The following MRPS6 variants were observed in gnomAD, a reference collection of about 807,000 sequenced individuals.
MRPS6 encodes small ribosomal subunit protein bS6m.
A neutral mutation model predicts 13.1 loss-of-function variants in MRPS6; 6 were observed. The ratio of observed to expected loss-of-function variants is 0.46; its 90% CI spans 0.25 to 0.91. The LOEUF (loss-of-function observed/expected upper bound fraction) is 0.91. Among genes scored for constraint, MRPS6 ranks in the 40% least tolerant of loss-of-function variants. The pLI, the probability that MRPS6 is intolerant of heterozygous loss-of-function variation, is 0.18. For synonymous variants in MRPS6, 61 were observed against 56.5 expected (o/e 1.08, Z -0.36); for missense variants, 164 against 155.6 (o/e 1.05, Z -0.29).
chr21:34,080,411 A>G (rs549020004), intron 1 of MRPS6, among the ~76,000 whole-genome samples: 1 of 152,164 alleles, frequency 6.6e-6, no homozygotes, highest in Non-Finnish European at 1.5e-5. Flanking sequence ...AGTTGTGCAG[A>G]TTCTTATAAA....
chr21:34,101,153 A>T, intron 1 of MRPS6: 1 of 1,000,198 alleles, frequency 1.0e-6, no homozygotes, highest in South Asian at 4.7e-5. Context: ...AAGTGAGATA[A>T]GTACCTGGGT....
rs550922007 is a variant in MRPS6 at position 34,104,265 on chromosome 21, A to G, written c.46-21076A>G. ...ACAATGGGGTGGAGAGGATTCTTTCACTTGTCCCATTAACCCTCTTCTAGT... is the reference window on the plus strand; with the variant it reads ...ACAATGGGGTGGAGAGGATTCTTTCGCTTGTCCCATTAACCCTCTTCTAGT... On this transcript the variant is annotated intron_variant, in intron 1 of 2. Coordinates refer to ENST00000399312, the MANE Select transcript of MRPS6 (RefSeq NM_032476.4). 2.5e-5 allele frequency: 25 copies of G among 1,000,142 alleles called. No individual in the cohort carries two copies. The East Asian group carries it at 1.0e-3, about 41-fold the overall frequency. The allele number at this position is 1,000,142 out of a possible 1,614,324, so 62.0% of individuals were successfully genotyped here.
chr21:34,084,496 A>T (rs1420599815), intron 1 of MRPS6, among the ~76,000 whole-genome samples: 1 of 152,170 alleles, frequency 6.6e-6, no homozygotes, highest in African/African-American at 2.4e-5. Context: ...ATAATGCCTA[A>T]CCTTAGCAAT....
intron 2 of MRPS6, among the ~76,000 whole-genome samples, chr21:34,133,683 C>G (rs1980587051): frequency 6.6e-6 from 1 of 152,128 alleles, no homozygotes; most frequent in Admixed American, 6.5e-5. Context: ...GCATGTCATG[C>G]TCTTGCTAGA....
intron 1 of MRPS6, chr21:34,099,429 A>G (rs1602934305): frequency 5.0e-6 from 5 of 1,000,094 alleles, no homozygotes. Context: ...CTTTGGGACA[A>G]CCTTTTGGTG....
chr21:34,101,885 A>G (rs1979253207), intron 1 of MRPS6: 1 of 1,000,072 alleles, frequency 1.0e-6, no homozygotes, highest in South Asian at 4.7e-5. Context: ...GGGAGAGAGC[A>G]GTAGTGATCA....
chr21:34,098,483 A>G, intron 1 of MRPS6: 1 of 1,000,130 alleles, frequency 1.0e-6, no homozygotes, highest in African/African-American at 1.7e-5. Context: ...TCCTCAAAAG[A>G]CTTTCCATCT....
Position 34,142,975 on chromosome 21 carries a change from G to A in MRPS6, c.*375G>A, listed in dbSNP as rs193105407. On this transcript the variant is annotated 3_prime_UTR_variant, in exon 3 of 3. Coordinates refer to ENST00000399312, the MANE Select transcript of MRPS6 (RefSeq NM_032476.4). Reference sequence around the variant, plus strand: ...TAACCATGTGGAAATAAAAATTGACGACCAATGTATTATATGGACAACTTT... The same window carrying A: ...TAACCATGTGGAAATAAAAATTGACAACCAATGTATTATATGGACAACTTT... The A allele has an allele frequency of 4.7e-4, 77 of 163,352 alleles. 1 individual carries two copies. In the Middle Eastern group the frequency reaches 0.023, roughly 48 times the overall value. 10.1% of individuals were successfully genotyped at this position (163,352 alleles called of 1,614,324 possible). A position where few individuals can be genotyped will look rare whatever the true frequency, so the allele number is the denominator to read the frequency against.
At chr21:34,135,579 T>A in intron 2 of MRPS6, 1 of 436,474 alleles carries the variant, frequency 2.3e-6, no homozygotes. Flanking sequence ...CAAGAGTGCC[T>A]GTGCACAGCA....
chr21:34,114,450 C>G (rs182060676), intron 1 of MRPS6, among the ~76,000 whole-genome samples: 1 of 152,276 alleles, frequency 6.6e-6, no homozygotes, highest in East Asian at 1.9e-4. Context: ...TAGCTTCCTA[C>G]TAGAGTGCGG....
At chr21:34,134,560 T>G (rs1002337157) in intron 2 of MRPS6, among the ~76,000 whole-genome samples, 20 of 152,224 alleles carry the variant, frequency 1.3e-4, no homozygotes, top group African/African-American at 4.3e-4. Flanking sequence ...TAATAAGGTT[T>G]GACATATGTA....
chr21:34,079,220 T>A (rs1202858082), intron 1 of MRPS6, among the ~76,000 whole-genome samples: 1 of 152,220 alleles, frequency 6.6e-6, no homozygotes, highest in Non-Finnish European at 1.5e-5. Context: ...TTATGGCACT[T>A]GAATTTCATA....
chr21:34,125,452 G>A lies in MRPS6; in HGVS notation c.157G>A (p.Ala53Thr), dbSNP rs148446667. The change falls in exon 2 of 3, where the codon GCC becomes ACC. Residue 53 changes from alanine (A) to threonine (T), a missense_variant. Coordinates refer to ENST00000399312, the MANE Select transcript of MRPS6 (RefSeq NM_032476.4). ...ACGAGCGCTTCCTTATAGGATCTCTGCCCACAGTCAGCAGCACAACAGAGG... is the reference window on the plus strand; with the variant it reads ...ACGAGCGCTTCCTTATAGGATCTCTACCCACAGTCAGCAGCACAACAGAGG... ...GERALPYRIS[A>T]HSQQHNRGGY... 6.9e-5 allele frequency: 112 copies of A among 1,613,884 alleles called. No individual in the cohort carries two copies. Among genetic ancestry groups the A allele is most frequent in the Non-Finnish European group, 9.2e-5 (109 of 1,179,934 alleles).
At chr21:34,110,660 A>G (rs1239815602) in intron 1 of MRPS6, among the ~76,000 whole-genome samples, 2 of 152,222 alleles carry the variant, frequency 1.3e-5, no homozygotes, top group Non-Finnish European at 2.9e-5. Context: ...CAAACACTGC[A>G]TGAGTGAATT....
Position 34,092,671 on chromosome 21 carries a change from A to G in MRPS6, c.45+18926A>G, listed in dbSNP as rs993705633. On this transcript the variant is annotated intron_variant, in intron 1 of 2. Transcript: ENST00000399312. ...GTTACTGATAGTAACAGTGCTTCCC[A>G]GTGATTGAGGAAGTGCTTGTTTTCT... Among the ~76,000 whole-genome samples the G allele has an allele frequency of 4.6e-5, 7 of 152,206 alleles. No individual in the cohort carries two copies. The South Asian group carries it at 8.3e-4, about 18-fold the overall frequency.
intron 1 of MRPS6, chr21:34,102,374 TTC>T (rs1979279663): frequency 2.0e-6 from 2 of 995,452 alleles, no homozygotes; most frequent in Non-Finnish European, 2.4e-6. Context: ...TTGATGTAAT[TTC>T]TGTTTCTGTT....
At chr21:34,099,072 TC>T in intron 1 of MRPS6, 1 of 999,326 alleles carries the variant, frequency 1.0e-6, no homozygotes, top group Non-Finnish European at 1.2e-6. Context: ...TTAGAAATTG[TC>T]AGGTAGCATA....
At chr21:34,130,772 A>G (rs1310143857) in intron 2 of MRPS6, among the ~76,000 whole-genome samples, 2 of 152,212 alleles carry the variant, frequency 1.3e-5, no homozygotes, top group Non-Finnish European at 2.9e-5. Context: ...CTTGCCTGGC[A>G]TCAGTCATCT....
intron 2 of MRPS6, among the ~76,000 whole-genome samples, chr21:34,130,845 GA>G (rs1489236171): frequency 6.6e-6 from 1 of 152,208 alleles, no homozygotes; most frequent in Non-Finnish European, 1.5e-5. Flanking sequence ...ATAGAAAAGA[GA>G]GATGCTTTTG....
Sources: gnomAD v4.1 joint callset for allele counts (sites outside exome capture counted in the v4.1 genomes callset) on GRCh38, gnomAD v4.1.1 for gene constraint, MANE v1.5 for transcripts, NCBI Gene and HGNC (gene_info 2026-07-23, HGNC 2026-07-21) for gene names.